The following IFFO1 variants were observed in gnomAD, a reference collection of about 807,000 sequenced individuals.
The protein encoded by IFFO1 is intermediate filament family orphan 1.
In IFFO1, 42 loss-of-function variants were observed where a neutral mutation model predicts 59.6. That is an observed-to-expected ratio of 0.70 (90% CI 0.55 to 0.91). The LOEUF (loss-of-function observed/expected upper bound fraction) is 0.91, where lower values mean the gene tolerates loss of function less well. IFFO1 is among the 40% of genes least tolerant of loss of function. The pLI is 0.00. For synonymous variants in IFFO1, 336 were observed against 342.8 expected (o/e 0.98, Z 0.22); for missense variants, 711 against 793.2 (o/e 0.90, Z 1.24).
At position 6,555,418 on chromosome 12, in the gene IFFO1, C is replaced by T. The variant is rs1223493970; in HGVS notation, c.612G>A (p.Arg204=). 6.2e-7 allele frequency: 1 copy of T among 1,614,070 alleles called. No homozygotes were observed. The highest frequency in any genetic ancestry group is 2.2e-5 in the East Asian group (1 of 44,876). ...GAGTGGGCTCCAGTCCCGGCCCGAG[C>T]CGGCGGGCGTGCGAGAACGACCAGA... The part of the protein sequence containing the change: ...GTIWSFSHAR[R]LGPGLEPTLV... The change falls in exon 1 of 10, where the codon CGG becomes CGA. Residue 204 remains arginine (R), a synonymous_variant. Transcript: ENST00000619571. The surrounding 1 kb of genome is among the most constrained non-coding windows in gnomAD (Gnocchi z 8.6).
intron 3 of IFFO1, 24 bp downstream of exon 3, chr12:6,550,671 C>G (rs539508978): frequency 6.2e-7 from 1 of 1,601,588 alleles, no homozygotes; most frequent in East Asian, 2.2e-5. Flanking sequence ...CTTCGACCCT[C>G]GGGAAGCCTG....
intron 3 of IFFO1, 111 bp downstream of exon 3, chr12:6,550,584 A>G: frequency 2.7e-6 from 2 of 728,306 alleles, no homozygotes; most frequent in African/African-American, 1.8e-5. Flanking sequence ...GAAAGCAAAG[A>G]GAAGGGGAGG....
chr12:6,544,165 C>CTT lies in IFFO1; in HGVS notation c.1480-2525_1480-2524dup, dbSNP rs531995265. Among the ~76,000 whole-genome samples the CTT allele has an allele frequency of 2.1e-3, 290 of 136,694 alleles. 3 individuals are homozygous for CTT. The highest frequency in any genetic ancestry group is 6.0e-3 in the African/African-American group (217 of 35,996). 89.7% of individuals were successfully genotyped at this position (136,694 alleles called of 152,430 possible). A position where few individuals can be genotyped will look rare whatever the true frequency, so the allele number is the denominator to read the frequency against. On this transcript the variant is annotated intron_variant, in intron 8 of 9. Coordinates refer to ENST00000619571, the MANE Select transcript of IFFO1 (RefSeq NM_001193457.2). ...GGAGGAGTCAGATGATTTGAAAATACTTTTTTTTTTTTTTTTCCTGAGATG... is the reference window on the plus strand; with the variant it reads ...GGAGGAGTCAGATGATTTGAAAATACTTTTTTTTTTTTTTTTTTCCTGAGATG...
At chr12:6,545,462 G>A (rs560452497) in intron 8 of IFFO1, among the ~76,000 whole-genome samples, 3 of 152,196 alleles carry the variant, frequency 2.0e-5, no homozygotes, top group East Asian at 1.9e-4. Flanking sequence ...TTGGGAGGCC[G>A]AGGTGGGCGG....
At position 6,540,131 on chromosome 12, in the gene IFFO1, T is replaced by G; in HGVS notation, c.*352A>C. 2.7e-6 allele frequency: 1 copy of G among 367,192 alleles called. No individual in the cohort carries two copies. The allele number at this position is 367,192 out of a possible 1,614,324, so 22.7% of individuals were successfully genotyped here. On this transcript the variant is annotated 3_prime_UTR_variant, in exon 10 of 10. Transcript: ENST00000619571. ...GTGAGCTGGCTCCGGACAACAGGGATGGAGGAAAGGTCCCACATTCACATT... is the reference window on the plus strand; with the variant it reads ...GTGAGCTGGCTCCGGACAACAGGGAGGGAGGAAAGGTCCCACATTCACATT...
intron 8 of IFFO1, among the ~76,000 whole-genome samples, chr12:6,544,579 C>G (rs1946867226): frequency 6.6e-6 from 1 of 152,164 alleles, no homozygotes; most frequent in Non-Finnish European, 1.5e-5. Flanking sequence ...AGATGGCAGC[C>G]CGAGATCTCT....
Position 6,548,556 on chromosome 12 carries a change from G to C in IFFO1, c.1263-11C>G, listed in dbSNP as rs1158168459. On this transcript the variant is annotated splice_polypyrimidine_tract_variant and intron_variant, in intron 6 of 9. Coordinates refer to ENST00000619571, the MANE Select transcript of IFFO1 (RefSeq NM_001193457.2). This position sits in a 1 kb window ranked among gnomAD's most constrained non-coding sequence, Gnocchi z 6.1. Reference sequence around the variant, plus strand: ...AAATCATACTCCCTCCTAGAGACAGGGAACCCGGGTGTCAGGGCGGGCGGG... The same window carrying C: ...AAATCATACTCCCTCCTAGAGACAGCGAACCCGGGTGTCAGGGCGGGCGGG... 1.9e-6 allele frequency: 3 copies of C among 1,613,530 alleles called. No individual in the cohort carries two copies. Among genetic ancestry groups the C allele is most frequent in the Non-Finnish European group, 2.5e-6 (3 of 1,179,686 alleles).
Position 6,548,348 on chromosome 12 carries a change from A to G in IFFO1, c.1383+77T>C, listed in dbSNP as rs1947065101. ...TGACAGCCACATGGGGGGACAGAGC[A>G]AGGAGAGGAGCGGGGGAGTGGGCTT... is the stretch of plus-strand genomic sequence containing the variant. On this transcript the variant is annotated intron_variant, in intron 7 of 9. Coordinates refer to ENST00000619571, the MANE Select transcript of IFFO1 (RefSeq NM_001193457.2). This position sits in a 1 kb window ranked among gnomAD's most constrained non-coding sequence, Gnocchi z 6.1. 1 of 1,524,094 alleles carries G rather than the reference A, an allele frequency of 6.6e-7. No homozygotes were observed. Among genetic ancestry groups the G allele is most frequent in the East Asian group, 2.3e-5 (1 of 44,318 alleles). The allele number at this position is 1,524,094 out of a possible 1,614,324, so 94.4% of individuals were successfully genotyped here.
Position 6,545,893 on chromosome 12 carries a change from A to C in IFFO1, c.1479+2172T>G, listed in dbSNP as rs538224053. ...TTACTTCATAATGGCCCCAAAGCAC[A>C]AGAGTAGTGATGCTGGCAATTTGGA... On this transcript the variant is annotated intron_variant, in intron 8 of 9. Coordinates refer to ENST00000619571, the MANE Select transcript of IFFO1 (RefSeq NM_001193457.2). Among the ~76,000 whole-genome samples the C allele has an allele frequency of 2.0e-5, 3 of 152,308 alleles. No individual in the cohort carries two copies. The South Asian group carries it at 6.2e-4, about 32-fold the overall frequency.
chr12:6,555,626 C>T lies in IFFO1; in HGVS notation c.404G>A (p.Arg135Gln), dbSNP rs764809166. The change falls in exon 1 of 10, where the codon CGG becomes CAG. Residue 135 changes from arginine (R) to glutamine (Q), a missense_variant. Coordinates refer to ENST00000619571, the MANE Select transcript of IFFO1 (RefSeq NM_001193457.2). This position sits in a 1 kb window ranked among gnomAD's most constrained non-coding sequence, Gnocchi z 8.6. Reference protein sequence around the residue: ...AVQTGFVSPIRPLGLQLGARP... With the variant: ...AVQTGFVSPIQPLGLQLGARP... ...GGCGCCCAGCTGCAGCCCCAGGGGCCGGATGGGGCTGACGAAGCCGGTCTG... is the reference window on the plus strand; with the variant it reads ...GGCGCCCAGCTGCAGCCCCAGGGGCTGGATGGGGCTGACGAAGCCGGTCTG... The T allele has an allele frequency of 1.0e-4, 156 of 1,497,050 alleles. No homozygotes were observed. Among genetic ancestry groups the T allele is most frequent in the Non-Finnish European group, 1.3e-4 (149 of 1,129,648 alleles). 92.7% of individuals were successfully genotyped at this position (1,497,050 alleles called of 1,614,324 possible).
rs546038779 is a variant in IFFO1, at chr12:6,548,652, C to T, written c.1262+16G>A. 2.9e-5 allele frequency: 46 copies of T among 1,613,944 alleles called. No individual in the cohort carries two copies. Among genetic ancestry groups the T allele is most frequent in the Admixed American group, 2.5e-4 (15 of 60,022 alleles). Reference sequence around the variant, plus strand: ...CTGTGGCGTCGGTGCTGCGGGAGCACGGCCTGCGGACTCACAGCTGGTTGA... The same window carrying T: ...CTGTGGCGTCGGTGCTGCGGGAGCATGGCCTGCGGACTCACAGCTGGTTGA... On this transcript the variant is annotated intron_variant, in intron 6 of 9. Coordinates refer to ENST00000619571, the MANE Select transcript of IFFO1 (RefSeq NM_001193457.2). This position sits in a 1 kb window ranked among gnomAD's most constrained non-coding sequence, Gnocchi z 6.1.
In IFFO1 at chr12:6,549,336, G is replaced by T; in HGVS notation, c.1080+140C>A. ...AGAACAAGAGATAGAGAGAAAAAGG[G>T]GGAAGAGCAAGGAAAAGGGAAAGGG... On this transcript the variant is annotated intron_variant, in intron 5 of 9. Coordinates refer to ENST00000619571, the MANE Select transcript of IFFO1 (RefSeq NM_001193457.2). The surrounding 1 kb of genome is among the most constrained non-coding windows in gnomAD (Gnocchi z 5.0). 1.3e-6 allele frequency: 1 copy of T among 757,722 alleles called. No homozygotes were observed. The highest frequency in any genetic ancestry group is 2.3e-6 in the Non-Finnish European group (1 of 437,910). 46.9% of individuals were successfully genotyped at this position (757,722 alleles called of 1,614,324 possible).
intron 1 of IFFO1, among the ~76,000 whole-genome samples, chr12:6,552,477 C>A (rs1947273576): frequency 6.6e-6 from 1 of 152,206 alleles, no homozygotes; most frequent in Non-Finnish European, 1.5e-5. Context: ...CTAAGGGAAC[C>A]AGTCGCATCA....
Position 6,555,142 on chromosome 12 carries a change from G to T in IFFO1, c.773+115C>A. 1 of 1,074,528 alleles carries T rather than the reference G, an allele frequency of 9.3e-7. No individual in the cohort carries two copies. The highest frequency in any genetic ancestry group is 1.4e-6 in the Non-Finnish European group (1 of 695,718). 66.6% of individuals were successfully genotyped at this position (1,074,528 alleles called of 1,614,324 possible). On this transcript the variant is annotated intron_variant, in intron 1 of 9. Coordinates refer to ENST00000619571, the MANE Select transcript of IFFO1 (RefSeq NM_001193457.2). The surrounding 1 kb of genome is among the most constrained non-coding windows in gnomAD (Gnocchi z 8.6). ...TTGCTTCCAAGCTCCTCATTACACA[G>T]CACAAACTTTACTCTCATTCTTTTC...
chr12:6,554,612 G>A (rs1947360425), intron 1 of IFFO1, among the ~76,000 whole-genome samples: 1 of 152,134 alleles, frequency 6.6e-6, no homozygotes, highest in African/African-American at 2.4e-5. Context: ...CCTCCCCACT[G>A]GCGCTTTATA....
rs1413547866 is a variant in IFFO1, at chr12:6,555,577, A to AG, written c.452dup (p.Ser152PhefsTer124). ...CGGGCGAGCCCAGCACGCGCGCCGA[A>AG]GGGCTGCAGACAGCGGCCGGCCGGG... is the stretch of plus-strand genomic sequence containing the variant. On this transcript the variant is annotated frameshift_variant, in exon 1 of 10. Coordinates refer to ENST00000619571, the MANE Select transcript of IFFO1 (RefSeq NM_001193457.2). LOFTEE classifies it high-confidence loss of function. This position sits in a 1 kb window ranked among gnomAD's most constrained non-coding sequence, Gnocchi z 8.6. 7.0e-7 allele frequency: 1 copy of AG among 1,431,164 alleles called. No individual in the cohort carries two copies. The highest frequency in any genetic ancestry group is 1.5e-5 in the African/African-American group (1 of 65,440). 88.7% of individuals were successfully genotyped at this position (1,431,164 alleles called of 1,614,324 possible). A position where few individuals can be genotyped will look rare whatever the true frequency, so the allele number is the denominator to read the frequency against.
intron 8 of IFFO1, among the ~76,000 whole-genome samples, chr12:6,542,275 C>T (rs7297364): frequency 0.21 from 31,901 of 152,082 alleles, 3,648 homozygotes; most frequent in East Asian, 0.26. Flanking sequence ...GAGACCTGTC[C>T]TGATTTCAGA....
chr12:6,541,761 A>AT lies in IFFO1; in HGVS notation c.1480-120dup. The AT allele has an allele frequency of 8.3e-7, 1 of 1,209,612 alleles. No individual in the cohort carries two copies. The highest frequency in any genetic ancestry group is 1.2e-6 in the Non-Finnish European group (1 of 849,568). The allele number at this position is 1,209,612 out of a possible 1,614,324, so 74.9% of individuals were successfully genotyped here. On this transcript the variant is annotated intron_variant, in intron 8 of 9. Transcript: ENST00000619571. The surrounding 1 kb of genome is among the most constrained non-coding windows in gnomAD (Gnocchi z 4.8). ...GGCTGGGCCGGGGGCCCAGGCAGCC[A>AT]TTACTGAAGGCTCAGATTTTAAAAT...
chr12:6,555,314 C>CG lies in IFFO1; in HGVS notation c.715dup (p.Arg239ProfsTer37). ...TTTGGCCAGCACGTTGTAGAGAGCGCGGATCTCGGGCGTGATGGTGTCGAT... is the reference window on the plus strand; with the variant it reads ...TTTGGCCAGCACGTTGTAGAGAGCGCGGGATCTCGGGCGTGATGGTGTCGAT... On this transcript the variant is annotated frameshift_variant, in exon 1 of 10. Transcript: ENST00000619571. LOFTEE classifies it high-confidence loss of function. The surrounding 1 kb of genome is among the most constrained non-coding windows in gnomAD (Gnocchi z 8.6). 6.2e-7 allele frequency: 1 copy of CG among 1,614,190 alleles called. No homozygotes were observed. Among genetic ancestry groups the CG allele is most frequent in the Non-Finnish European group, 8.5e-7 (1 of 1,180,028 alleles).
Sources: gnomAD v4.1 joint callset for allele counts (sites outside exome capture counted in the v4.1 genomes callset) on GRCh38, gnomAD v4.1.1 for gene constraint, Gnocchi (gnomAD v3.1) non-coding constraint, MANE v1.5 for transcripts, NCBI Gene and HGNC (gene_info 2026-07-23, HGNC 2026-07-21) for gene names.